Variants in LDLRAD4 observed in about 807,000 individuals in gnomAD.
LDLRAD4 encodes the protein low-density lipoprotein receptor class A domain-containing protein 4.
LDLRAD4 carries 5 observed loss-of-function variants against 17.0 expected under a neutral mutation model. That is an observed-to-expected ratio of 0.29 (90% CI 0.15 to 0.62). The LOEUF is 0.62. Among genes scored for constraint, LDLRAD4 ranks in the 20% least tolerant of loss-of-function variants. The probability of loss-of-function intolerance (pLI) is 0.84; values close to 1 mark genes in which losing one functional copy is unlikely to be tolerated. For synonymous variants in LDLRAD4, 168 were observed against 171.8 expected, an observed-to-expected ratio of 0.98 and a Z score of 0.17; for missense variants, 340 against 424.7, an observed-to-expected ratio of 0.80 and a Z score of 1.75.
chr18:13,530,742 G>T (rs1000847182), intron 3 of LDLRAD4, among the ~76,000 whole-genome samples: 2 of 152,170 alleles, frequency 1.3e-5, no homozygotes, highest in Non-Finnish European at 2.9e-5. Flanking sequence ...AGGGCCCAGG[G>T]TGGACCCCCA....
chr18:13,568,969 C>T (rs2094645756), intron 3 of LDLRAD4, among the ~76,000 whole-genome samples: 1 of 152,146 alleles, frequency 6.6e-6, no homozygotes, highest in Non-Finnish European at 1.5e-5. Context: ...CTCCTCTCAC[C>T]TGCACCCTCT....
chr18:13,341,648 G>T (rs1234189447), intron 1 of LDLRAD4, among the ~76,000 whole-genome samples: 2 of 152,026 alleles, frequency 1.3e-5, no homozygotes, highest in Admixed American at 1.3e-4. Flanking sequence ...AATCTTTAGG[G>T]CTTTCTACAT....
intron 1 of LDLRAD4, among the ~76,000 whole-genome samples, chr18:13,322,125 A>G (rs2081280454): frequency 6.6e-6 from 1 of 151,652 alleles, no homozygotes; most frequent in Non-Finnish European, 1.5e-5. Flanking sequence ...TCTATGTTGT[A>G]TTGCGACACA....
intron 2 of LDLRAD4, among the ~76,000 whole-genome samples, chr18:13,406,260 A>G (rs2087736195): frequency 6.6e-6 from 1 of 152,132 alleles, no homozygotes; most frequent in Non-Finnish European, 1.5e-5. Context: ...GGTGCCTTCT[A>G]GCTGAGAGAG....
chr18:13,471,303 G>C (rs1338702223), intron 3 of LDLRAD4: 1 of 152,206 alleles, frequency 6.6e-6, no homozygotes, highest in African/African-American at 2.4e-5. Flanking sequence ...CTGTACCTTT[G>C]CCCTGTCCTG....
intron 3 of LDLRAD4, chr18:13,620,767 C>G: frequency 3.3e-6 from 1 of 301,056 alleles, no homozygotes; most frequent in Non-Finnish European, 6.4e-6. Flanking sequence ...GTATGGGTCC[C>G]TAGGGGAATT....
At chr18:13,378,534 A>C (rs925615138) in intron 1 of LDLRAD4, among the ~76,000 whole-genome samples, 1 of 152,218 alleles carries the variant, frequency 6.6e-6, no homozygotes, top group African/African-American at 2.4e-5. Flanking sequence ...CGAGAAGGAG[A>C]TGTAAAAACT....
intron 1 of LDLRAD4, among the ~76,000 whole-genome samples, chr18:13,257,028 G>A (rs558749344): frequency 6.6e-6 from 1 of 152,338 alleles, no homozygotes; most frequent in Non-Finnish European, 1.5e-5. Flanking sequence ...GTGCAAATTT[G>A]TTAATACTTC....
chr18:13,313,838 G>A (rs115442016), intron 1 of LDLRAD4, among the ~76,000 whole-genome samples: 14 of 152,232 alleles, frequency 9.2e-5, no homozygotes, highest in Admixed American at 3.9e-4. Context: ...GGGTGCCCAC[G>A]CATCTCCTTG....
rs544659717 is a variant in LDLRAD4 at position 13,377,733 on chromosome 18, C to T, written c.-382-9608C>T. ...ATTCCGCCAGAGCACAAACTGCTGG[C>T]CAGTCCCAAGAGCTTCGCGAGCGTG... On this transcript the variant is annotated intron_variant, in intron 1 of 5. Coordinates refer to ENST00000359446, the Ensembl canonical transcript of LDLRAD4. Among the ~76,000 whole-genome samples the T allele has an allele frequency of 7.9e-5, 12 of 152,310 alleles. No homozygotes were observed. The East Asian group carries it at 2.1e-3, about 27-fold the overall frequency.
At chr18:13,228,590 T>C (rs1463229293) in intron 1 of LDLRAD4, among the ~76,000 whole-genome samples, 3 of 152,186 alleles carry the variant, frequency 2.0e-5, no homozygotes, top group African/African-American at 7.2e-5. Flanking sequence ...AACATTTGTT[T>C]TTCTGCTACT....
chr18:13,644,783 T>C, intron 5 of LDLRAD4: 1 of 252,052 alleles, frequency 4.0e-6, no homozygotes, highest in Non-Finnish European at 7.5e-6. Flanking sequence ...CTTCGCCCTG[T>C]GACTCTTGGA....
intron 1 of LDLRAD4, among the ~76,000 whole-genome samples, chr18:13,278,792 A>AT (rs944654550): frequency 6.6e-6 from 1 of 151,664 alleles, no homozygotes; most frequent in African/African-American, 2.4e-5. Flanking sequence ...CCTTCCATTT[A>AT]TTTTTTCTTC....
intron 1 of LDLRAD4, among the ~76,000 whole-genome samples, chr18:13,310,998 G>A (rs1343193752): frequency 6.6e-6 from 1 of 152,088 alleles, no homozygotes; most frequent in Non-Finnish European, 1.5e-5. Flanking sequence ...CAGAGTCTCA[G>A]CTCCCTCCTC....
intron 3 of LDLRAD4, among the ~76,000 whole-genome samples, chr18:13,606,003 G>A (rs755447599): frequency 6.6e-5 from 10 of 152,176 alleles, no homozygotes; most frequent in Non-Finnish European, 1.0e-4. Flanking sequence ...GGATGCTGCT[G>A]CTGGTGGTCT....
intron 3 of LDLRAD4, among the ~76,000 whole-genome samples, chr18:13,596,185 G>A (rs182093082): frequency 7.9e-5 from 12 of 152,132 alleles, no homozygotes; most frequent in African/African-American, 2.9e-4. Context: ...TATTAGTATG[G>A]TCGCACCAGT....
At chr18:13,419,977 C>T (rs1205115029) in intron 2 of LDLRAD4, 4 of 152,176 alleles carry the variant, frequency 2.6e-5, no homozygotes, top group African/African-American at 9.7e-5. Flanking sequence ...CAGGCACTTT[C>T]AGGGGAGCAA....
At chr18:13,477,503 G>A (rs959619712) in intron 3 of LDLRAD4, among the ~76,000 whole-genome samples, 3 of 152,198 alleles carry the variant, frequency 2.0e-5, no homozygotes, top group East Asian at 1.9e-4. Context: ...AAGCCCAAGC[G>A]GAGAAAACCT....
At chr18:13,495,698 T>C (rs879458807) in intron 3 of LDLRAD4, among the ~76,000 whole-genome samples, 1 of 152,092 alleles carries the variant, frequency 6.6e-6, no homozygotes, top group Non-Finnish European at 1.5e-5. Flanking sequence ...TCACAAATTC[T>C]AGAACAAGAG....
Sources: allele counts gnomAD v4.1 joint callset (sites outside exome capture counted in the v4.1 genomes callset), GRCh38; gene constraint gnomAD v4.1.1; transcripts MANE v1.5; gene names NCBI Gene and HGNC (gene_info 2026-07-23, HGNC 2026-07-21).